Variants in CAP2 observed in about 807,000 individuals in gnomAD.
CAP2 encodes adenylyl cyclase-associated protein 2.
A neutral mutation model predicts 57.7 loss-of-function variants in CAP2; 24 were observed. The observed-to-expected ratio is 0.42, with a 90% CI of 0.30 to 0.58. The LOEUF is 0.58. CAP2 is among the 20% of genes least tolerant of loss of function. The pLI is 0.22. For synonymous variants in CAP2, 194 were observed against 207.2 expected (o/e 0.94, Z 0.55); for missense variants, 501 against 590.3 (o/e 0.85, Z 1.57).
chr6:17,549,411 C>T (rs1187977486), intron 11 of CAP2, among the ~76,000 whole-genome samples: 1 of 151,636 alleles, frequency 6.6e-6, no homozygotes, highest in East Asian at 1.9e-4. Flanking sequence ...TGTGGTGAGC[C>T]AAGAATCGTG....
chr6:17,539,502 T>C, intron 8 of CAP2, 44 bp downstream of exon 8: 1 of 1,509,088 alleles, frequency 6.6e-7, no homozygotes, highest in Non-Finnish European at 9.1e-7. Flanking sequence ...CCTTTCCCTC[T>C]GGCTCCCAGA....
intron 3 of CAP2, among the ~76,000 whole-genome samples, chr6:17,447,126 G>C (rs2113572514): frequency 6.7e-6 from 1 of 149,692 alleles, no homozygotes; most frequent in South Asian, 2.1e-4. Context: ...GGGCTCAAGA[G>C]ATCCTCCCAC....
intron 4 of CAP2, among the ~76,000 whole-genome samples, chr6:17,472,503 G>A (rs1389339728): frequency 1.3e-5 from 2 of 152,208 alleles, no homozygotes; most frequent in Non-Finnish European, 2.9e-5. Context: ...AAAACCAATT[G>A]CATTCTGATA....
intron 1 of CAP2, among the ~76,000 whole-genome samples, chr6:17,403,190 C>T (rs1226516501): frequency 1.3e-5 from 2 of 152,232 alleles, no homozygotes; most frequent in Non-Finnish European, 2.9e-5. Flanking sequence ...CAACCTCTGC[C>T]TCCTGGGTTT....
chr6:17,447,456 C>A (rs1760291425), intron 3 of CAP2, among the ~76,000 whole-genome samples: 1 of 152,112 alleles, frequency 6.6e-6, no homozygotes, highest in African/African-American at 2.4e-5. Flanking sequence ...AGGTATCAGG[C>A]CCTGGGCACA....
At chr6:17,500,728 A>G (rs760387952) in intron 4 of CAP2, among the ~76,000 whole-genome samples, 1 of 152,170 alleles carries the variant, frequency 6.6e-6, no homozygotes, top group Non-Finnish European at 1.5e-5. Context: ...TTAATTGCAA[A>G]GGAAATGTAT....
chr6:17,464,656 C>G (rs1311651485), intron 4 of CAP2, among the ~76,000 whole-genome samples: 4 of 152,214 alleles, frequency 2.6e-5, no homozygotes. Flanking sequence ...TGTCAGCCCC[C>G]ACCCAAGATG....
rs1759598035 is a variant in CAP2 at position 17,426,617 on chromosome 6, A to G, written c.149A>G (p.Asp50Gly). Residue 50 changes from aspartate (D) to glycine (G), a missense_variant, in exon 3 of 13, where the codon GAC (aspartate) becomes GGC (glycine). By Grantham distance (94) the Asp-to-Gly change is moderately conservative. Coordinates refer to ENST00000229922, the MANE Select transcript of CAP2 (RefSeq NM_006366.3). The part of the protein sequence containing the change: ...AGVAPSVEAF[D>G]KLMDSMVAEF... ...GTGGCACCCTCCGTGGAAGCCTTTGACAAGCTGATGGACAGTATGGTGGCC... is the reference window on the plus strand; with the variant it reads ...GTGGCACCCTCCGTGGAAGCCTTTGGCAAGCTGATGGACAGTATGGTGGCC... 6.2e-7 allele frequency: 1 copy of G among 1,613,846 alleles called. No individual in the cohort carries two copies. The highest frequency in any genetic ancestry group is 1.7e-5 in the Admixed American group (1 of 59,982).
At chr6:17,482,846 T>G (rs1231515766) in intron 4 of CAP2, among the ~76,000 whole-genome samples, 1 of 152,222 alleles carries the variant, frequency 6.6e-6, no homozygotes, top group Non-Finnish European at 1.5e-5. Context: ...TCTGAAGTAC[T>G]TAGGGTAAGG....
chr6:17,458,981 G>A (rs1760653385), intron 3 of CAP2, among the ~76,000 whole-genome samples: 1 of 151,880 alleles, frequency 6.6e-6, no homozygotes, highest in Non-Finnish European at 1.5e-5. Context: ...TTTAGTAACT[G>A]GTGGCTGAGT....
At chr6:17,398,319 G>A (rs771945042) in intron 1 of CAP2, among the ~76,000 whole-genome samples, 1 of 152,078 alleles carries the variant, frequency 6.6e-6, no homozygotes, top group Non-Finnish European at 1.5e-5. Context: ...TATTTCCGAT[G>A]TGATTTAGTT....
intron 2 of CAP2, among the ~76,000 whole-genome samples, chr6:17,422,629 G>A (rs1349213832): frequency 2.6e-5 from 4 of 152,064 alleles, no homozygotes; most frequent in East Asian, 1.9e-4. Flanking sequence ...GATTATAGGC[G>A]TGAACCACCA....
chr6:17,467,345 C>T (rs1760890872), intron 4 of CAP2, among the ~76,000 whole-genome samples: 1 of 152,126 alleles, frequency 6.6e-6, no homozygotes, highest in Non-Finnish European at 1.5e-5. Flanking sequence ...TTGCTGAACT[C>T]TAAGGTAATG....
At chr6:17,436,757 G>A (rs1759902282) in intron 3 of CAP2, among the ~76,000 whole-genome samples, 1 of 152,076 alleles carries the variant, frequency 6.6e-6, no homozygotes, top group African/African-American at 2.4e-5. Flanking sequence ...GGATGCTGAT[G>A]CCATCTATGT....
At chr6:17,454,218 C>G (rs970656496) in intron 3 of CAP2, among the ~76,000 whole-genome samples, 8 of 151,896 alleles carry the variant, frequency 5.3e-5, no homozygotes, top group Non-Finnish European at 1.2e-4. Flanking sequence ...CTCAGGGCTC[C>G]TTCAAGCAGA....
intron 1 of CAP2, 135 bp downstream of exon 1, chr6:17,393,881 G>T: frequency 6.6e-6 from 1 of 151,652 alleles, no homozygotes; most frequent in South Asian, 1.8e-4. Flanking sequence ...CTGCGGCTGT[G>T]GCAGCAGCGC....
At chr6:17,436,630 C>T (rs1369458177) in intron 3 of CAP2, among the ~76,000 whole-genome samples, 1 of 152,062 alleles carries the variant, frequency 6.6e-6, no homozygotes, top group Admixed American at 6.6e-5. Flanking sequence ...GCAATGGAGA[C>T]CAGCAGGAAG....
At chr6:17,455,827 G>T (rs985771514) in intron 3 of CAP2, among the ~76,000 whole-genome samples, 1 of 152,118 alleles carries the variant, frequency 6.6e-6, no homozygotes, top group African/African-American at 2.4e-5. Context: ...GAGCCACCGC[G>T]CCCAGCCTAA....
Position 17,426,597 on chromosome 6 carries a change from A to G in CAP2, c.129A>G (p.Ala43=), listed in dbSNP as rs1581507794. ...ACTGCTCCTTTCCCCAAGGTGTGGC[A>G]CCCTCCGTGGAAGCCTTTGACAAGC... ...GEVNGVIAGV[A]PSVEAFDKLM... is the part of the protein sequence containing the mutation. Residue 43 remains alanine, a synonymous_variant, in exon 3 of 13, where the codon GCA becomes GCG. Coordinates refer to ENST00000229922, the MANE Select transcript of CAP2 (RefSeq NM_006366.3). 6.2e-7 allele frequency: 1 copy of G among 1,612,650 alleles called. No homozygotes were observed. Among genetic ancestry groups the G allele is most frequent in the Non-Finnish European group, 8.5e-7 (1 of 1,178,928 alleles).
Sources: allele counts gnomAD v4.1 joint callset (sites outside exome capture counted in the v4.1 genomes callset), GRCh38; gene constraint gnomAD v4.1.1; transcripts MANE v1.5; gene names NCBI Gene and HGNC (gene_info 2026-07-23, HGNC 2026-07-21).